The following PKD1L1 variants were observed in gnomAD, a reference collection of about 807,000 sequenced individuals.
PKD1L1 encodes the protein polycystin-1-like protein 1.
In PKD1L1, 236 loss-of-function variants were observed where a neutral mutation model predicts 323.4. The observed-to-expected ratio is 0.73, with a 90% CI of 0.66 to 0.81. The LOEUF is 0.81. PKD1L1 is among the 40% of genes least tolerant of loss of function. The pLI is 0.00. For missense variants in PKD1L1, 3,320 were observed against 3,508.0 expected, an observed-to-expected ratio of 0.95 and a Z score of 1.35; for synonymous variants, 1,344 against 1,335.0, an observed-to-expected ratio of 1.01 and a Z score of -0.15.
rs73329484 is a variant in PKD1L1 at position 47,800,230 on chromosome 7, C to T, written c.8193+419G>A. ...AACAGGGAGCCATTCCTCCTTCAGC[C>T]GCTAGCCTGGAGAACACGTCCAGTG... On this transcript the variant is annotated intron_variant, in intron 54 of 56. Transcript: ENST00000289672. 5.6e-3 allele frequency among the ~76,000 whole-genome samples: 859 copies of T among 152,312 alleles called. 7 individuals carry two copies. Among genetic ancestry groups the T allele is most frequent in the African/African-American group, 0.019 (810 of 41,564 alleles).
intron 46 of PKD1L1, among the ~76,000 whole-genome samples, chr7:47,820,304 G>A (rs1026058792): frequency 1.3e-5 from 2 of 152,148 alleles, no homozygotes; most frequent in East Asian, 3.9e-4. Flanking sequence ...GTGGTATCAC[G>A]GAAATTTTTC....
chr7:47,943,569 G>GGATGTCTGTGATTAA, intron 1 of PKD1L1, 58 bp from the exon 2 acceptor site: 6 of 1,314,258 alleles, frequency 4.6e-6, no homozygotes, highest in Non-Finnish European at 5.4e-6. Flanking sequence ...TTTAATCACA[G>GGATGTCTGTGATTAA]ACATCCTGTG....
Position 47,839,311 on chromosome 7 carries a change from G to C in PKD1L1, c.5769+135C>G. ...GTATCATTTAATATTTTGATATCGT[G>C]GTAATTAACTAAGAAAAGAGGAATA... On this transcript the variant is annotated intron_variant, in intron 36 of 56. Coordinates refer to ENST00000289672, the MANE Select transcript of PKD1L1 (RefSeq NM_138295.5). This position sits in a 1 kb window ranked among gnomAD's most constrained non-coding sequence, Gnocchi z 4.3. The C allele has an allele frequency of 4.6e-6, 3 of 650,770 alleles. No homozygotes were observed. The highest frequency in any genetic ancestry group is 7.8e-6 in the Non-Finnish European group (3 of 386,572). 40.3% of individuals were successfully genotyped at this position (650,770 alleles called of 1,614,324 possible). A position where few individuals can be genotyped will look rare whatever the true frequency, so the allele number is the denominator to read the frequency against.
At chr7:47,786,747 C>T (rs749427089) in intron 56 of PKD1L1, among the ~76,000 whole-genome samples, 13 of 152,216 alleles carry the variant, frequency 8.5e-5, no homozygotes, top group African/African-American at 1.4e-4. Flanking sequence ...GGTGAGTCAT[C>T]GCAGTAGAGA....
At chr7:47,776,697 T>G (rs1786576042) in intron 56 of PKD1L1, among the ~76,000 whole-genome samples, 1 of 152,208 alleles carries the variant, frequency 6.6e-6, no homozygotes, top group Non-Finnish European at 1.5e-5. Flanking sequence ...CCTGGAATGC[T>G]GTGATAAACA....
At chr7:47,896,542 T>TG (rs200050525) in intron 14 of PKD1L1, among the ~76,000 whole-genome samples, 54 of 151,940 alleles carry the variant, frequency 3.6e-4, no homozygotes, top group Admixed American at 5.9e-4. Flanking sequence ...TTTAGTTGTT[T>TG]GGGGGGGACT....
rs1478899285 is a variant in PKD1L1 at position 47,946,435 on chromosome 7, C to T, written c.44+1962G>A. On this transcript the variant is annotated intron_variant, in intron 1 of 56. Transcript: ENST00000289672. This position sits in a 1 kb window ranked among gnomAD's most constrained non-coding sequence, Gnocchi z 4.1. ...CACAGCATCACACACAATATACACA[C>T]ACCACACAGCACATACCCACCCACC... Among the ~76,000 whole-genome samples, 2 of 150,606 alleles carry T rather than the reference C, an allele frequency of 1.3e-5. No homozygotes were observed. Among genetic ancestry groups the T allele is most frequent in the Non-Finnish European group, 1.5e-5 (1 of 67,566 alleles).
intron 42 of PKD1L1, 118 bp downstream of exon 42, chr7:47,831,099 G>C (rs1785340034): frequency 7.8e-7 from 1 of 1,287,170 alleles, no homozygotes; most frequent in South Asian, 1.5e-5. Flanking sequence ...GGAGAAAATA[G>C]CAATAGTGAC....
chr7:47,786,085 A>C (rs1444141434), intron 56 of PKD1L1, among the ~76,000 whole-genome samples: 3 of 152,144 alleles, frequency 2.0e-5, no homozygotes, highest in Admixed American at 1.3e-4. Context: ...TTTCTTCCTC[A>C]AGGATTCAAA....
At chr7:47,879,390 G>A (rs1440804710) in intron 21 of PKD1L1, among the ~76,000 whole-genome samples, 13 of 152,150 alleles carry the variant, frequency 8.5e-5, no homozygotes, top group South Asian at 4.1e-4. Context: ...CACTTGTGGA[G>A]GCCAAGGCAG....
At chr7:47,837,710 A>G (rs558072739) in intron 36 of PKD1L1, among the ~76,000 whole-genome samples, 1 of 152,310 alleles carries the variant, frequency 6.6e-6, no homozygotes, top group South Asian at 2.1e-4. Context: ...AGTAGCCCAC[A>G]GTGTCTGGCA....
chr7:47,908,672 G>A (rs1274505689), intron 8 of PKD1L1, among the ~76,000 whole-genome samples: 1 of 152,178 alleles, frequency 6.6e-6, no homozygotes. Flanking sequence ...TATGATGATG[G>A]ATGACAAAAA....
At chr7:47,943,969 C>T (rs1194647155) in intron 1 of PKD1L1, among the ~76,000 whole-genome samples, 1 of 152,234 alleles carries the variant, frequency 6.6e-6, no homozygotes, top group Non-Finnish European at 1.5e-5. Context: ...AAAAGAACAG[C>T]ATGGAACCCA....
intron 8 of PKD1L1, among the ~76,000 whole-genome samples, chr7:47,913,314 T>C (rs758268017): frequency 6.6e-6 from 1 of 151,944 alleles, no homozygotes; most frequent in Non-Finnish European, 1.5e-5. Context: ...AAAAGCTGAG[T>C]GAGGACCGAA....
At chr7:47,928,802 C>T (rs1208735857) in intron 7 of PKD1L1, among the ~76,000 whole-genome samples, 1 of 152,042 alleles carries the variant, frequency 6.6e-6, no homozygotes, top group Admixed American at 6.6e-5. Context: ...TCATATAGAA[C>T]ATTGTGTGTG....
intron 21 of PKD1L1, among the ~76,000 whole-genome samples, chr7:47,879,958 A>ATT (rs1412173241): frequency 8.4e-6 from 1 of 118,556 alleles, no homozygotes. Flanking sequence ...TAAAAAAAAA[A>ATT]ATTAAGCCCA....
intron 7 of PKD1L1, among the ~76,000 whole-genome samples, chr7:47,916,111 A>G (rs1209121188): frequency 6.6e-6 from 1 of 152,236 alleles, no homozygotes; most frequent in African/African-American, 2.4e-5. Context: ...GATATCAAAG[A>G]CCAAAACTAC....
chr7:47,888,937 G>A (rs113877301), intron 16 of PKD1L1, among the ~76,000 whole-genome samples: 8,025 of 152,174 alleles, frequency 0.053, 540 homozygotes, highest in African/African-American at 0.16. Flanking sequence ...TGGGGTGTGT[G>A]TGGTACCTGG....
Position 47,831,329 on chromosome 7 carries a change from G to C in PKD1L1, c.6361C>G (p.Leu2121Val). The C allele has an allele frequency of 6.2e-7, 1 of 1,614,036 alleles. No individual in the cohort carries two copies. Among genetic ancestry groups the C allele is most frequent in the Non-Finnish European group, 8.5e-7 (1 of 1,179,980 alleles). Residue 2121 changes from leucine to valine, a missense_variant, in exon 42 of 57, where the codon CTA becomes GTA. Leu to Val is a conservative substitution (Grantham distance 32). Transcript: ENST00000289672. ...TQAPSSGLEG[L>V]MPQWSRALQP... ...AGGGCCCTTGACCACTGGGGCATTA[G>C]TCCCTCCAAACCACTGCTGGGTGCT... is the stretch of plus-strand genomic sequence containing the variant.
Sources: gnomAD v4.1 joint callset for allele counts (sites outside exome capture counted in the v4.1 genomes callset) on GRCh38, gnomAD v4.1.1 for gene constraint, Gnocchi (gnomAD v3.1) non-coding constraint, MANE v1.5 for transcripts, NCBI Gene and HGNC (gene_info 2026-07-23, HGNC 2026-07-21) for gene names.